The following WDR11 variants were observed in gnomAD, a reference collection of about 807,000 sequenced individuals.
WDR11 encodes WD repeat-containing protein 11.
Under a neutral mutation model 151.2 loss-of-function variants are expected in WDR11, and 83 were observed. The observed-to-expected ratio is 0.55, with a 90% CI of 0.46 to 0.66. The LOEUF (loss-of-function observed/expected upper bound fraction) is 0.66. Among genes scored for constraint, WDR11 ranks in the 30% least tolerant of loss-of-function variants. WDR11 has a pLI of 0.00. For synonymous variants in WDR11, 484 were observed against 533.1 expected (o/e 0.91, Z 1.27); for missense variants, 1,301 against 1,480.9 (o/e 0.88, Z 1.99).
In WDR11 at chr10:120,852,572, G is replaced by A. The variant is rs1263714708; in HGVS notation, c.135G>A (p.Val45=). ...ATGGATGTCATTCACTTGTGGTAGT[G>A]ATTGATTCCATTACTGCCCAAACTC... ...IAYGCHSLVV[V]IDSITAQTLQ... The change falls in exon 2 of 29, where the codon GTG becomes GTA. Residue 45 remains valine (V), a synonymous_variant. Coordinates refer to ENST00000263461, the MANE Select transcript of WDR11 (RefSeq NM_018117.12). The A allele has an allele frequency of 6.2e-7, 1 of 1,614,056 alleles. No homozygotes were observed. The highest frequency in any genetic ancestry group is 1.1e-5 in the South Asian group (1 of 91,072).
rs772236036 is a variant in WDR11, at chr10:120,865,641, C to G, written c.891C>G (p.Cys297Trp). The G allele has an allele frequency of 1.2e-6, 2 of 1,608,000 alleles. No homozygotes were observed. Among genetic ancestry groups the G allele is most frequent in the Middle Eastern group, 4.5e-4 (2 of 4,446 alleles). Residue 297 changes from cysteine (C) to tryptophan (W), a missense_variant, in exon 7 of 29, where the codon TGC becomes TGG. Coordinates refer to ENST00000263461, the MANE Select transcript of WDR11 (RefSeq NM_018117.12). ...TCATCTATTTAAAGGTAATACCCTG[C>G]TTTCAGCGTGATGGTTTATTTTGTC... ...TGVPFLQVIP[C>W]FQRDGLFCLH...
intron 26 of WDR11, 182 bp from the exon 27 acceptor site, chr10:120,905,694 C>G (rs746376128): frequency 8.8e-7 from 1 of 1,136,756 alleles, no homozygotes; most frequent in Admixed American, 2.1e-5. Context: ...TAGCCAGGCC[C>G]TGGGTCCCGT....
chr10:120,883,628 G>A (rs540020870), intron 13 of WDR11, 152 bp from the exon 14 acceptor site: 2 of 661,948 alleles, frequency 3.0e-6, no homozygotes, highest in South Asian at 3.4e-5. Context: ...ACCTTCTTAT[G>A]ACTGTTAATC....
chr10:120,889,283 G>C (rs557964881), intron 17 of WDR11, 99 bp downstream of exon 17: 1 of 883,198 alleles, frequency 1.1e-6, no homozygotes. Flanking sequence ...TGTCGCCCAG[G>C]CTGGAGTGCA....
At chr10:120,894,036 A>G (rs1847517572) in intron 19 of WDR11, among the ~76,000 whole-genome samples, 1 of 151,384 alleles carries the variant, frequency 6.6e-6, no homozygotes, top group African/African-American at 2.4e-5. Context: ...CCCATTTGTC[A>G]ATTTTGGCTT....
intron 16 of WDR11, 126 bp from the exon 17 acceptor site, chr10:120,888,952 T>C: frequency 1.4e-6 from 1 of 717,430 alleles, no homozygotes; most frequent in Non-Finnish European, 2.4e-6. Context: ...AAAGTCTGTT[T>C]TAGGATTTGA....
chr10:120,865,705 T>C lies in WDR11; in HGVS notation c.955T>C (p.Ser319Pro). The C allele has an allele frequency of 1.2e-6, 2 of 1,610,680 alleles. No homozygotes were observed. Among genetic ancestry groups the C allele is most frequent in the Non-Finnish European group, 8.5e-7 (1 of 1,178,802 alleles). ...TTGTATAACTTTACGTGTTCGAAGATCTTATAATAACATTTTTACCACTTC... is the reference window on the plus strand; with the variant it reads ...TTGTATAACTTTACGTGTTCGAAGACCTTATAATAACATTTTTACCACTTC... ...NGCITLRVRRSYNNIFTTSNE... is the reference protein window; with the variant it reads ...NGCITLRVRRPYNNIFTTSNE... Residue 319 changes from serine to proline, a missense_variant, in exon 7 of 29, where the codon TCT (serine) becomes CCT (proline). Around this residue, in one of 3 missense-constraint regions of WDR11, gnomAD observed 692 missense variants for 762.5 expected, o/e 0.91. Coordinates refer to ENST00000263461, the MANE Select transcript of WDR11 (RefSeq NM_018117.12).
chr10:120,908,528 A>G (rs1161815025), intron 28 of WDR11, 28 bp from the exon 29 acceptor site: 1 of 1,613,102 alleles, frequency 6.2e-7, no homozygotes, highest in Admixed American at 1.7e-5. Flanking sequence ...AGCCCTTTTT[A>G]CTCTTCTTTT....
chr10:120,889,084 A>G lies in WDR11; in HGVS notation c.2128A>G (p.Met710Val). 1 of 1,609,658 alleles carries G rather than the reference A, an allele frequency of 6.2e-7. No homozygotes were observed. Among genetic ancestry groups the G allele is most frequent in the Non-Finnish European group, 8.5e-7 (1 of 1,175,988 alleles). ...DSARIPPDGS[M>V]GSITCIAWKG... is the part of the protein sequence containing the mutation. ...TGTTGCTGTTGTTTTCTAGGGAAGT[A>G]TGGGTAGTATTACCTGCATCGCTTG... The change falls in exon 17 of 29, where the codon ATG becomes GTG. Residue 710 changes from methionine (M) to valine (V), a missense_variant. By Grantham distance (21) the Met-to-Val change is conservative. Coordinates refer to ENST00000263461, the MANE Select transcript of WDR11 (RefSeq NM_018117.12).
Position 120,858,810 on chromosome 10 carries a change from G to T in WDR11, c.352+14G>T. ...AGCCTATCCAGGGTGAGGAAAGTCT[G>T]CTCAGCTAAGTGTGTATATTGATAC... On this transcript the variant is annotated intron_variant, in intron 3 of 28. Transcript: ENST00000263461. 1 of 1,614,100 alleles carries T rather than the reference G, an allele frequency of 6.2e-7. No individual in the cohort carries two copies. The highest frequency in any genetic ancestry group is 8.5e-7 in the Non-Finnish European group (1 of 1,179,976).
At position 120,889,362 on chromosome 10, in the gene WDR11, C is replaced by T. The variant is rs150793848; in HGVS notation, c.2228+178C>T. 3.6e-3 allele frequency: 1,982 copies of T among 558,192 alleles called. 33 individuals carry two copies. The highest frequency in any genetic ancestry group is 0.034 in the African/African-American group (1,805 of 52,790). 34.6% of individuals were successfully genotyped at this position (558,192 alleles called of 1,614,324 possible). A position where few individuals can be genotyped will look rare whatever the true frequency, so the allele number is the denominator to read the frequency against. On this transcript the variant is annotated intron_variant, in intron 17 of 28. Transcript: ENST00000263461. The stretch of plus-strand genomic sequence containing the variant: ...ATGCCATTCTCCTGCCTCAGCCACC[C>T]GAGTAGCTGGGACTACAGGCACCCA...
In WDR11 at chr10:120,908,640, C is replaced by G; in HGVS notation, c.3602C>G (p.Ser1201Ter). ...AAGCAGGGAGCAGTTCTCTTTGCTT[C>G]AAAAGCCGGAGCAGCTGGCAAAGAC... ...GFKQGAVLFA[S>*]KAGAAGKDLL... The change falls in exon 29 of 29, where the codon TCA becomes TGA. Residue 1201 changes from serine to a stop codon, truncating the protein, a stop_gained. Coordinates refer to ENST00000263461, the MANE Select transcript of WDR11 (RefSeq NM_018117.12). LOFTEE classifies it high-confidence loss of function. The G allele has an allele frequency of 6.2e-7, 1 of 1,614,162 alleles. No homozygotes were observed. The highest frequency in any genetic ancestry group is 8.5e-7 in the Non-Finnish European group (1 of 1,180,018).
chr10:120,874,193 G>GTTTTTT (rs1554854855), intron 11 of WDR11, among the ~76,000 whole-genome samples: 1 of 75,330 alleles, frequency 1.3e-5, no homozygotes, highest in Non-Finnish European at 2.8e-5. Context: ...TTTTTTTTTT[G>GTTTTTT]TTGTTGTTGT....
chr10:120,874,013 T>A, intron 11 of WDR11, 90 bp downstream of exon 11: 1 of 810,458 alleles, frequency 1.2e-6, no homozygotes. Context: ...CTCTGTAATA[T>A]CTGCAGTGGT....
chr10:120,868,858 T>TAG (rs1846413880), intron 9 of WDR11: 1 of 152,224 alleles, frequency 6.6e-6, no homozygotes, highest in South Asian at 2.1e-4. Flanking sequence ...ATATCTAAAA[T>TAG]TATTTCTCTC....
At chr10:120,879,981 A>G (rs1228724726) in intron 12 of WDR11, 1 of 152,250 alleles carries the variant, frequency 6.6e-6, no homozygotes, top group Non-Finnish European at 1.5e-5. Flanking sequence ...CACCGTAGTT[A>G]TTCCCTAGTT....
In WDR11 at chr10:120,871,363, G is replaced by C. The variant is rs766236821; in HGVS notation, c.1471+17G>C. 6.2e-7 allele frequency: 1 copy of C among 1,609,680 alleles called. No individual in the cohort carries two copies. Among genetic ancestry groups the C allele is most frequent in the South Asian group, 1.1e-5 (1 of 90,150 alleles). Reference sequence around the variant, plus strand: ...TGGCTGTTGGTGAGTATTTGACCTGGTCTTTTTTTTTTTAACTCACTTTAT... The same window carrying C: ...TGGCTGTTGGTGAGTATTTGACCTGCTCTTTTTTTTTTTAACTCACTTTAT... On this transcript the variant is annotated intron_variant, in intron 10 of 28. Coordinates refer to ENST00000263461, the MANE Select transcript of WDR11 (RefSeq NM_018117.12).
rs964129641 is a variant in WDR11 at position 120,889,303 on chromosome 10, TCTCGGCTCACTGCAAG to T, written c.2228+123_2228+138del. On this transcript the variant is annotated intron_variant, in intron 17 of 28. Coordinates refer to ENST00000263461, the MANE Select transcript of WDR11 (RefSeq NM_018117.12). The stretch of plus-strand genomic sequence containing the variant: ...CCCAGGCTGGAGTGCAGTGGTGCAA[TCTCGGCTCACTGCAAG>T]CTCTGACTCCCGGGTTCATGCCATT... 2.9e-5 allele frequency: 22 copies of T among 761,580 alleles called. No homozygotes were observed. The African/African-American group carries it at 3.1e-4, about 11-fold the overall frequency. The allele number at this position is 761,580 out of a possible 1,614,324, so 47.2% of individuals were successfully genotyped here.
rs778415301 is a variant in WDR11, at chr10:120,862,935, G to A, written c.713+14G>A. ...AGAGAAACCTAGGTAAGTTACAAGT[G>A]TAAAATTAACATTCATCTACTTATC... On this transcript the variant is annotated intron_variant, in intron 5 of 28. Coordinates refer to ENST00000263461, the MANE Select transcript of WDR11 (RefSeq NM_018117.12). The A allele has an allele frequency of 3.2e-6, 5 of 1,549,166 alleles. No homozygotes were observed. The South Asian group carries it at 3.3e-5, about 10-fold the overall frequency.
Sources: allele counts gnomAD v4.1 joint callset (sites outside exome capture counted in the v4.1 genomes callset), GRCh38; gene constraint gnomAD v4.1.1; regional missense constraint gnomAD v4.1.1; transcripts MANE v1.5; gene names NCBI Gene and HGNC (gene_info 2026-07-23, HGNC 2026-07-21).